The following RBMS2 variants were observed in gnomAD, a reference collection of about 807,000 sequenced individuals.
The protein encoded by RBMS2 is RNA-binding motif, single-stranded-interacting protein 2.
In RBMS2, 38 loss-of-function variants were observed where a neutral mutation model predicts 58.4. The ratio of observed to expected loss-of-function variants is 0.65; its 90% confidence interval spans 0.50 to 0.85. RBMS2 has a LOEUF of 0.85. RBMS2 is among the 40% of genes least tolerant of loss of function. The probability of loss-of-function intolerance (pLI) is 0.00; values close to 1 mark genes in which losing one functional copy is unlikely to be tolerated. For synonymous variants in RBMS2, 151 were observed against 180.7 expected (o/e 0.84, Z 1.32); for missense variants, 367 against 503.7 (o/e 0.73, Z 2.60).
rs1176139006 is a variant in RBMS2 at position 56,590,225 on chromosome 12, G to A, written c.*1092G>A. The A allele has an allele frequency of 6.6e-6, 1 of 152,264 alleles. No homozygotes were observed. Among genetic ancestry groups the A allele is most frequent in the East Asian group, 1.9e-4 (1 of 5,190 alleles). The allele number at this position is 152,264 out of a possible 1,614,324, so 9.4% of individuals were successfully genotyped here. A position where few individuals can be genotyped will look rare whatever the true frequency, so the allele number is the denominator to read the frequency against. On this transcript the variant is annotated 3_prime_UTR_variant, in exon 14 of 14. Coordinates refer to ENST00000262031, the MANE Select transcript of RBMS2 (RefSeq NM_002898.4). ...GGGCTTCATGGCCCCTCTCTTCCCT[G>A]TTACACATTGCTGTGCTCAGAGCCT...
chr12:56,574,028 A>G (rs1269528443), intron 5 of RBMS2, among the ~76,000 whole-genome samples: 1 of 152,118 alleles, frequency 6.6e-6, no homozygotes, highest in Admixed American at 6.6e-5. Flanking sequence ...TTTAGTAAAG[A>G]TGTGGTTTCA....
At chr12:56,532,169 A>G (rs980103650) in intron 1 of RBMS2, among the ~76,000 whole-genome samples, 1 of 152,104 alleles carries the variant, frequency 6.6e-6, no homozygotes, top group Non-Finnish European at 1.5e-5. Context: ...CAGTGAGCCA[A>G]GATCGTGCCG....
intron 13 of RBMS2, 46 bp from the exon 14 acceptor site, chr12:56,589,094 G>A (rs532089373): frequency 6.2e-7 from 1 of 1,606,664 alleles, no homozygotes; most frequent in Non-Finnish European, 8.5e-7. Context: ...AGTCAGACAG[G>A]TTCTCATGTT....
At chr12:56,521,249 C>T (rs1247987551), upstream of RBMS2, among the ~76,000 whole-genome samples, 3 of 151,838 alleles carry the variant, frequency 2.0e-5, no homozygotes, top group Non-Finnish European at 2.9e-5. Flanking sequence ...GCCAAGATGG[C>T]GAAACCCCGT....
chr12:56,545,841 A>T (rs1173581101), intron 1 of RBMS2, among the ~76,000 whole-genome samples: 3 of 151,942 alleles, frequency 2.0e-5, no homozygotes, highest in Non-Finnish European at 2.9e-5. Context: ...GTTGATAAAC[A>T]TTTGTCTTCT....
chr12:56,580,224 C>G (rs1883738847), intron 5 of RBMS2: 2 of 399,788 alleles, frequency 5.0e-6, no homozygotes, highest in South Asian at 3.6e-5. Flanking sequence ...AACCACTGAG[C>G]CTGGCCTTTT....
chr12:56,545,316 G>T lies in RBMS2; in HGVS notation c.67-17101G>T, dbSNP rs1189545096. Reference sequence around the variant, plus strand: ...CATTTGCTTTATCCACTTGTTGGTCGATGAGCACTTAGGTTGGTTCCGTAT... The same window carrying T: ...CATTTGCTTTATCCACTTGTTGGTCTATGAGCACTTAGGTTGGTTCCGTAT... On this transcript the variant is annotated intron_variant, in intron 1 of 13. Coordinates refer to ENST00000262031, the MANE Select transcript of RBMS2 (RefSeq NM_002898.4). Among the ~76,000 whole-genome samples the T allele has an allele frequency of 2.6e-5, 4 of 152,048 alleles. No homozygotes were observed. In the South Asian group the frequency reaches 6.2e-4, roughly 24 times the overall value.
In RBMS2 at chr12:56,593,810, G is replaced by A. The variant is rs1885490693; in HGVS notation, c.*4677G>A. Reference sequence around the variant, plus strand: ...GATCCACCTGCCTTGGCCTCCCAAAGTGCTGGGATTACAGGCGTGAGCCAC... The same window carrying A: ...GATCCACCTGCCTTGGCCTCCCAAAATGCTGGGATTACAGGCGTGAGCCAC... On this transcript the variant is annotated 3_prime_UTR_variant, in exon 14 of 14. Transcript: ENST00000262031. 6.6e-6 allele frequency: 1 copy of A among 152,552 alleles called. No individual in the cohort carries two copies. The highest frequency in any genetic ancestry group is 2.4e-5 in the African/African-American group (1 of 41,474). 9.4% of individuals were successfully genotyped at this position (152,552 alleles called of 1,614,324 possible). A position where few individuals can be genotyped will look rare whatever the true frequency, so the allele number is the denominator to read the frequency against.
chr12:56,581,785 T>G (rs765161318), intron 7 of RBMS2, 48 bp from the exon 8 acceptor site: 1 of 1,604,058 alleles, frequency 6.2e-7, no homozygotes, highest in Non-Finnish European at 8.5e-7. Context: ...CCAGCTCCTA[T>G]TCTCACTCAA....
intron 2 of RBMS2, among the ~76,000 whole-genome samples, chr12:56,563,979 G>T (rs1880886000): frequency 6.6e-6 from 1 of 151,916 alleles, no homozygotes; most frequent in Non-Finnish European, 1.5e-5. Context: ...TCTAAATTTT[G>T]TTTCTTGTAC....
At chr12:56,540,481 C>A (rs1015560871) in intron 1 of RBMS2, among the ~76,000 whole-genome samples, 2 of 152,106 alleles carry the variant, frequency 1.3e-5, no homozygotes, top group Non-Finnish European at 2.9e-5. Flanking sequence ...TCAGGTGATC[C>A]TCCTGCCTTA....
intron 9 of RBMS2, among the ~76,000 whole-genome samples, chr12:56,582,923 G>T (rs1884172637): frequency 6.6e-6 from 1 of 152,112 alleles, no homozygotes; most frequent in Admixed American, 6.6e-5. Context: ...GCCCGCCTCG[G>T]CCTCCCAAAG....
At chr12:56,584,528 A>G (rs1012521665) in intron 9 of RBMS2, among the ~76,000 whole-genome samples, 4 of 151,814 alleles carry the variant, frequency 2.6e-5, no homozygotes, top group Admixed American at 6.6e-5. Flanking sequence ...GCTCACGCCT[A>G]TAATCCCAGC....
Position 56,582,056 on chromosome 12 carries a change from C to A in RBMS2, c.780-3C>A. The A allele has an allele frequency of 6.2e-7, 1 of 1,600,864 alleles. No individual in the cohort carries two copies. Among genetic ancestry groups the A allele is most frequent in the Non-Finnish European group, 8.5e-7 (1 of 1,172,492 alleles). ...CAGTACTGATTGAGGTTCCTTCCCA[C>A]AGGTTTTACCCAGCCCCCTATAACA... On this transcript the variant is annotated splice_region_variant and splice_polypyrimidine_tract_variant and intron_variant, in intron 8 of 13. Transcript: ENST00000262031.
intron 5 of RBMS2, 94 bp from the exon 6 acceptor site, chr12:56,581,090 G>T (rs1016108779): frequency 9.8e-7 from 1 of 1,024,812 alleles, no homozygotes; most frequent in African/African-American, 1.6e-5. Context: ...GAGCAGTTGT[G>T]GGGCTGGGAA....
chr12:56,571,897 A>T, intron 5 of RBMS2, 42 bp downstream of exon 5: 1 of 1,438,398 alleles, frequency 7.0e-7, no homozygotes, highest in Non-Finnish European at 9.2e-7. Context: ...GTTAATAACA[A>T]ATGTCACTTG....
At position 56,589,191 on chromosome 12, in the gene RBMS2, T is replaced by C; in HGVS notation, c.*58T>C. 11 of 1,525,378 alleles carry C rather than the reference T, an allele frequency of 7.2e-6. No homozygotes were observed. The highest frequency in any genetic ancestry group is 9.7e-6 in the Non-Finnish European group (11 of 1,133,404). 94.5% of individuals were successfully genotyped at this position (1,525,378 alleles called of 1,614,324 possible). A position where few individuals can be genotyped will look rare whatever the true frequency, so the allele number is the denominator to read the frequency against. On this transcript the variant is annotated 3_prime_UTR_variant, in exon 14 of 14. Transcript: ENST00000262031. ...AGAAATGAATTCTTGGAGATACTCA[T>C]GCTCCCAGATTCCAGAGGGTTAACC...
chr12:56,561,900 C>T (rs551200504), intron 1 of RBMS2, among the ~76,000 whole-genome samples: 5 of 152,056 alleles, frequency 3.3e-5, no homozygotes, highest in African/African-American at 9.6e-5. Flanking sequence ...CTCTGCCTCC[C>T]GGGTTCACGC....
intron 10 of RBMS2, 108 bp downstream of exon 10, chr12:56,587,034 G>A (rs997742297): frequency 4.4e-6 from 5 of 1,147,088 alleles, no homozygotes; most frequent in East Asian, 4.9e-5. Context: ...GGGAGGCCAA[G>A]GCAGGCAAAT....
Sources: gnomAD v4.1 joint callset for allele counts (sites outside exome capture counted in the v4.1 genomes callset) on GRCh38, gnomAD v4.1.1 for gene constraint, MANE v1.5 for transcripts, NCBI Gene and HGNC (gene_info 2026-07-23, HGNC 2026-07-21) for gene names.